Variants in CEP170 observed in about 807,000 individuals in gnomAD.
The protein encoded by CEP170 is centrosomal protein of 170 kDa.
CEP170 carries 21 observed loss-of-function variants against 151.9 expected under a neutral mutation model. The observed-to-expected ratio is 0.14, with a 90% CI of 0.10 to 0.20. The LOEUF (loss-of-function observed/expected upper bound fraction) is 0.20. CEP170 is among the 10% of genes least tolerant of loss of function. The pLI is 1.00. For synonymous variants in CEP170, 356 were observed against 648.8 expected, an observed-to-expected ratio of 0.55 and a Z score of 6.86; for missense variants, 964 against 1,892.9, an observed-to-expected ratio of 0.51 and a Z score of 9.11.
chr1:243,228,099 C>T (rs1284841543), intron 1 of CEP170, among the ~76,000 whole-genome samples: 4 of 152,166 alleles, frequency 2.6e-5, no homozygotes, highest in Non-Finnish European at 5.9e-5. Flanking sequence ...TATTCTACTA[C>T]ACTTGAATTA....
chr1:243,175,771 C>T (rs1383511856), intron 10 of CEP170, among the ~76,000 whole-genome samples: 1 of 150,582 alleles, frequency 6.6e-6, no homozygotes, highest in Non-Finnish European at 1.5e-5. Context: ...ACTGTCATCC[C>T]ACCTGCTGGA....
At chr1:243,219,726 A>G (rs1030145369) in intron 3 of CEP170, among the ~76,000 whole-genome samples, 16 of 152,258 alleles carry the variant, frequency 1.1e-4, no homozygotes, top group African/African-American at 3.9e-4. Context: ...ACATTGTCAA[A>G]ATGTTCCACA....
At chr1:243,144,077 A>G (rs530815236) in intron 14 of CEP170, among the ~76,000 whole-genome samples, 2 of 152,242 alleles carry the variant, frequency 1.3e-5, no homozygotes, top group Non-Finnish European at 2.9e-5. Context: ...ACAAATATTT[A>G]CTGATTGCTT....
At chr1:243,203,460 T>A (rs2061194710) in intron 4 of CEP170, among the ~76,000 whole-genome samples, 1 of 152,130 alleles carries the variant, frequency 6.6e-6, no homozygotes. Flanking sequence ...TAGATACGGT[T>A]CCTCCCACTC....
At chr1:243,215,745 T>G (rs1050811687) in intron 3 of CEP170, among the ~76,000 whole-genome samples, 4 of 152,134 alleles carry the variant, frequency 2.6e-5, no homozygotes, top group Non-Finnish European at 4.4e-5. Context: ...TTTTATTACC[T>G]TGTGAAGCAT....
chr1:243,142,123 T>G (rs1413465264), intron 15 of CEP170, among the ~76,000 whole-genome samples, 193 bp downstream of exon 15: 1 of 152,214 alleles, frequency 6.6e-6, no homozygotes, highest in Non-Finnish European at 1.5e-5. Context: ...GTGTTAATAG[T>G]AGACCAAATG....
chr1:243,250,245 T>C (rs1052533505), intron 1 of CEP170, among the ~76,000 whole-genome samples: 1 of 152,222 alleles, frequency 6.6e-6, no homozygotes, highest in Admixed American at 6.5e-5. Flanking sequence ...ATTAAGTATA[T>C]GGCCAGGATG....
chr1:243,146,958 C>T (rs375126260), intron 14 of CEP170, among the ~76,000 whole-genome samples: 119 of 142,842 alleles, frequency 8.3e-4, no homozygotes, highest in African/African-American at 3.1e-3. Context: ...TGAATCCCCC[C>T]TAACCAGTAA....
In CEP170 at chr1:243,138,913, A is replaced by C. The variant is rs147169863; in HGVS notation, c.4230+1024T>G. On this transcript the variant is annotated intron_variant, in intron 16 of 19. Coordinates refer to ENST00000366542, the MANE Select transcript of CEP170 (RefSeq NM_014812.3). ...ACTGTTTTCCAGAGCTGCGGCACCA[A>C]CTTAACCTCCACCAACCACACATAA... Among the ~76,000 whole-genome samples the C allele has an allele frequency of 1.8e-4, 27 of 152,274 alleles. No homozygotes were observed. The East Asian group carries it at 5.0e-3, about 28-fold the overall frequency.
intron 14 of CEP170, among the ~76,000 whole-genome samples, chr1:243,144,784 G>C (rs554976869): frequency 6.6e-6 from 1 of 152,166 alleles, no homozygotes; most frequent in South Asian, 2.1e-4. Context: ...AAACCTAATA[G>C]ATATTTTCAC....
At chr1:243,173,069 T>C (rs1487643696) in intron 10 of CEP170, among the ~76,000 whole-genome samples, 1 of 152,098 alleles carries the variant, frequency 6.6e-6, no homozygotes, top group East Asian at 1.9e-4. Context: ...ATTATCCTTT[T>C]TTTTTTTTGA....
intron 13 of CEP170, among the ~76,000 whole-genome samples, chr1:243,159,387 A>G (rs2057850319): frequency 6.6e-6 from 1 of 152,172 alleles, no homozygotes; most frequent in African/African-American, 2.4e-5. Context: ...AGGGAGTTCA[A>G]TGCTAGGCCC....
chr1:243,221,702 A>C (rs1315174159), intron 3 of CEP170, 22 bp downstream of exon 3: 1 of 1,587,986 alleles, frequency 6.3e-7, no homozygotes, highest in Non-Finnish European at 8.6e-7. Context: ...CAAACAAGAC[A>C]AAAAATAAAC....
chr1:243,191,498 A>T lies in CEP170; in HGVS notation c.632-4T>A, dbSNP rs2060301798. 1.1e-6 allele frequency: 1 copy of T among 881,242 alleles called. No individual in the cohort carries two copies. Among genetic ancestry groups the T allele is most frequent in the African/African-American group, 1.7e-5 (1 of 60,306 alleles). 54.6% of individuals were successfully genotyped at this position (881,242 alleles called of 1,614,324 possible). On this transcript the variant is annotated splice_polypyrimidine_tract_variant and splice_region_variant and intron_variant, in intron 7 of 19. Coordinates refer to ENST00000366542, the MANE Select transcript of CEP170 (RefSeq NM_014812.3). ...TGCTTGGCATCTATGCCGCACCCTA[A>T]TGAGAAAAATAAGAGAAAATTCAAA...
chr1:243,171,429 T>G (rs1466655378), intron 11 of CEP170, among the ~76,000 whole-genome samples: 2 of 152,162 alleles, frequency 1.3e-5, no homozygotes, highest in Admixed American at 6.5e-5. Context: ...TGTAACATTT[T>G]ATTTATATTT....
chr1:243,167,241 G>C (rs926099188), intron 12 of CEP170, among the ~76,000 whole-genome samples: 2 of 151,886 alleles, frequency 1.3e-5, no homozygotes, highest in Non-Finnish European at 1.5e-5. Flanking sequence ...TAAGTAAAGT[G>C]AAAAATGCAG....
At chr1:243,254,672 G>T (rs529994123) in intron 1 of CEP170, among the ~76,000 whole-genome samples, 1 of 152,112 alleles carries the variant, frequency 6.6e-6, no homozygotes, top group African/African-American at 2.4e-5. Flanking sequence ...TACGGCGGAG[G>T]GGGGAGGGCT....
Position 243,191,064 on chromosome 1 carries a change from A to G in CEP170, c.1062T>C (p.Ser354=). ...CTGGAACATCACTTTTAATGCTTTT[A>G]GAATCCTCTTCTGTTCTTTCCCATA... ...QMLWERTEED[S]KSIKSDVPVY... The change falls in exon 8 of 20, where the codon TCT becomes TCC. Residue 354 remains serine, a synonymous_variant. Coordinates refer to ENST00000366542, the MANE Select transcript of CEP170 (RefSeq NM_014812.3). 4 of 1,609,824 alleles carry G rather than the reference A, an allele frequency of 2.5e-6. No individual in the cohort carries two copies. Among genetic ancestry groups the G allele is most frequent in the Non-Finnish European group, 3.4e-6 (4 of 1,177,534 alleles).
In CEP170 at chr1:243,129,370, G is replaced by T; in HGVS notation, c.4403C>A (p.Thr1468Asn). The change falls in exon 18 of 20, where the codon ACC becomes AAC. Residue 1468 changes from threonine to asparagine, a missense_variant. Thr to Asn is a moderately conservative substitution (Grantham distance 65). Coordinates refer to ENST00000366542, the MANE Select transcript of CEP170 (RefSeq NM_014812.3). ...GAAAAATTACTATACCATGCTTGAG[G>T]TTTTCACAATAGGGACTTCACTTTC... ...RAESEVPIVK[T>N]SSMEISSILQ... 6.3e-7 allele frequency: 1 copy of T among 1,588,970 alleles called. No individual in the cohort carries two copies. Among genetic ancestry groups the T allele is most frequent in the South Asian group, 1.2e-5 (1 of 85,504 alleles).
Sources: allele counts gnomAD v4.1 joint callset (sites outside exome capture counted in the v4.1 genomes callset), GRCh38; gene constraint gnomAD v4.1.1; transcripts MANE v1.5; gene names NCBI Gene and HGNC (gene_info 2026-07-23, HGNC 2026-07-21).